MED12L: variants seen among roughly 807,000 people sequenced by gnomAD.
The protein encoded by MED12L is mediator of RNA polymerase II transcription subunit 12-like protein.
A neutral mutation model predicts 281.3 loss-of-function variants in MED12L; 60 were observed. The ratio of observed to expected loss-of-function variants is 0.21; its 90% CI spans 0.17 to 0.26. MED12L has a LOEUF of 0.26. Among genes scored for constraint, MED12L ranks in the 10% least tolerant of loss-of-function variants. The pLI is 1.00. For synonymous variants in MED12L, 974 were observed against 987.2 expected, an observed-to-expected ratio of 0.99 and a Z score of 0.25; for missense variants, 2,146 against 2,680.9, an observed-to-expected ratio of 0.80 and a Z score of 4.41.
chr3:151,190,705 G>A lies in MED12L; in HGVS notation c.1754-12G>A, dbSNP rs757780010. 1.2e-6 allele frequency: 2 copies of A among 1,612,678 alleles called. No homozygotes were observed. The highest frequency in any genetic ancestry group is 1.7e-6 in the Non-Finnish European group (2 of 1,178,928). On this transcript the variant is annotated splice_polypyrimidine_tract_variant and intron_variant, in intron 13 of 44. Coordinates refer to ENST00000687756, the MANE Select transcript of MED12L (RefSeq NM_001393769.1). ...GCTCAAGGAATTCTTGATTGAATTT[G>A]TTTCTCTATAGCGGACCCAAACAGT...
chr3:151,094,119 C>T (rs897052962), intron 2 of MED12L, among the ~76,000 whole-genome samples: 2 of 152,154 alleles, frequency 1.3e-5, no homozygotes, highest in Admixed American at 1.3e-4. Flanking sequence ...ATATATGCAC[C>T]AGTGTGTGAA....
At chr3:151,281,456 G>A (rs545949416) in intron 16 of MED12L, among the ~76,000 whole-genome samples, 6 of 151,834 alleles carry the variant, frequency 4.0e-5, no homozygotes, top group African/African-American at 2.4e-5. Flanking sequence ...ATGACTTTTA[G>A]CAACGTAGGT....
chr3:151,255,594 C>T (rs1350766531), intron 16 of MED12L, among the ~76,000 whole-genome samples: 1 of 152,130 alleles, frequency 6.6e-6, no homozygotes, highest in Non-Finnish European at 1.5e-5. Context: ...CCTGCAGCTT[C>T]CCTTCTATAG....
intron 35 of MED12L, 98 bp downstream of exon 35, chr3:151,384,316 A>G: frequency 1.6e-6 from 2 of 1,215,160 alleles, no homozygotes; most frequent in Non-Finnish European, 1.1e-6. Context: ...TATTAATTGT[A>G]TTCAACTTAA....
At chr3:151,294,956 C>A in intron 16 of MED12L, 1 of 1,613,958 alleles carries the variant, frequency 6.2e-7, no homozygotes, top group African/African-American at 1.3e-5. Flanking sequence ...ATGGACTATT[C>A]GAAATGGAAA....
intron 16 of MED12L, among the ~76,000 whole-genome samples, chr3:151,236,748 CATAAAT>C (rs1732902345): frequency 6.6e-6 from 1 of 152,152 alleles, no homozygotes; most frequent in African/African-American, 2.4e-5. Flanking sequence ...ATTTTACTGA[CATAAAT>C]ATATAAAATT....
At chr3:151,178,455 G>A (rs1311031966) in intron 11 of MED12L, among the ~76,000 whole-genome samples, 1 of 152,186 alleles carries the variant, frequency 6.6e-6, no homozygotes, top group Non-Finnish European at 1.5e-5. Context: ...ATTGAGGAGG[G>A]TGGAGTCAGG....
chr3:151,096,511 C>T (rs1000760909), intron 2 of MED12L, among the ~76,000 whole-genome samples: 1 of 152,044 alleles, frequency 6.6e-6, no homozygotes, highest in African/African-American at 2.4e-5. Flanking sequence ...TGCATTCTGA[C>T]TTGGTCCTAT....
chr3:151,150,742 C>T (rs965763077), intron 5 of MED12L, among the ~76,000 whole-genome samples: 2 of 152,380 alleles, frequency 1.3e-5, no homozygotes, highest in East Asian at 1.9e-4. Context: ...TCACTTGTGG[C>T]AGCTTCTACG....
intron 33 of MED12L, 78 bp downstream of exon 33, chr3:151,382,823 A>G (rs1371929871): frequency 2.6e-6 from 3 of 1,161,392 alleles, no homozygotes; most frequent in South Asian, 1.4e-5. Context: ...CACTTCTCCT[A>G]AGTGCAAAGT....
chr3:151,254,998 G>A (rs1345882683), intron 16 of MED12L, among the ~76,000 whole-genome samples: 1 of 152,028 alleles, frequency 6.6e-6, no homozygotes, highest in East Asian at 1.9e-4. Flanking sequence ...AGTTTTCCCA[G>A]AAACTTTATA....
chr3:151,137,175 A>AG (rs1181729716), intron 5 of MED12L, among the ~76,000 whole-genome samples: 1 of 123,680 alleles, frequency 8.1e-6, no homozygotes, highest in African/African-American at 2.6e-5. Flanking sequence ...AAAAAAAGAA[A>AG]AAAAAAAAAA....
chr3:151,259,276 A>C (rs1402995218), intron 16 of MED12L, among the ~76,000 whole-genome samples: 1 of 152,128 alleles, frequency 6.6e-6, no homozygotes, highest in East Asian at 1.9e-4. Context: ...AGAAATAGGC[A>C]CTCCTTTTGA....
chr3:151,234,839 G>A (rs1474650907), intron 16 of MED12L, among the ~76,000 whole-genome samples: 4 of 152,198 alleles, frequency 2.6e-5, no homozygotes, highest in Non-Finnish European at 5.9e-5. Context: ...TTAGTCAGGG[G>A]TCACCATCAC....
intron 16 of MED12L, among the ~76,000 whole-genome samples, chr3:151,324,347 C>T (rs1577332284): frequency 6.6e-6 from 1 of 152,096 alleles, no homozygotes; most frequent in South Asian, 2.1e-4. Context: ...TACCTGGCAG[C>T]ATCTGGGCTG....
chr3:151,368,911 A>G (rs560487027), intron 25 of MED12L, among the ~76,000 whole-genome samples: 7 of 151,490 alleles, frequency 4.6e-5, no homozygotes, highest in Non-Finnish European at 8.8e-5. Context: ...ATAGGCATGC[A>G]CCACCATGCC....
chr3:151,415,501 G>A (rs1378870783), intron 42 of MED12L, among the ~76,000 whole-genome samples: 1 of 152,210 alleles, frequency 6.6e-6, no homozygotes, highest in Non-Finnish European at 1.5e-5. Flanking sequence ...AGTGAGACAT[G>A]CCATATGGCA....
chr3:151,154,075 C>T lies in MED12L; in HGVS notation c.557-2086C>T, dbSNP rs367850914. Among the ~76,000 whole-genome samples, 60 of 152,204 alleles carry T rather than the reference C, an allele frequency of 3.9e-4. 1 individual carries two copies. The South Asian group carries it at 0.012, about 31-fold the overall frequency. On this transcript the variant is annotated intron_variant, in intron 5 of 44. Transcript: ENST00000687756. ...TCCGGTTTCATTACCATTCTCTAGT[C>T]GTGAATAATTATAAACATTATTAAT...
intron 16 of MED12L, among the ~76,000 whole-genome samples, chr3:151,273,345 A>T (rs1379832304): frequency 6.8e-6 from 1 of 146,066 alleles, no homozygotes; most frequent in Non-Finnish European, 1.5e-5. Context: ...ATTCTGCCTC[A>T]GCCTCCTGAG....
Sources: allele counts gnomAD v4.1 joint callset (sites outside exome capture counted in the v4.1 genomes callset), GRCh38; gene constraint gnomAD v4.1.1; transcripts MANE v1.5; gene names NCBI Gene and HGNC (gene_info 2026-07-23, HGNC 2026-07-21).